The following EGF variants were observed in gnomAD, a reference collection of about 807,000 sequenced individuals.
The protein encoded by EGF is pro-epidermal growth factor.
A neutral mutation model predicts 143.8 loss-of-function variants in EGF; 95 were observed. The ratio of observed to expected loss-of-function variants is 0.66; its 90% confidence interval spans 0.56 to 0.78. The LOEUF is 0.78. Ranked by LOEUF, EGF falls within the 30% of genes least tolerant of loss-of-function variation. EGF has a pLI of 0.00. For synonymous variants in EGF, 510 were observed against 510.5 expected, an observed-to-expected ratio of 1.00 and a Z score of 0.01; for missense variants, 1,320 against 1,470.9, an observed-to-expected ratio of 0.90 and a Z score of 1.68.
intron 5 of EGF, among the ~76,000 whole-genome samples, chr4:109,958,917 CAA>C (rs57909689): frequency 0.076 from 7,453 of 98,572 alleles, 366 homozygotes; most frequent in East Asian, 0.21. Context: ...GACCCTGTCT[CAA>C]AAAAAAAAAA....
intron 1 of EGF, among the ~76,000 whole-genome samples, chr4:109,915,389 A>C (rs1435303335): frequency 6.6e-6 from 1 of 152,162 alleles, no homozygotes; most frequent in Non-Finnish European, 1.5e-5. Flanking sequence ...TGCTCAATAA[A>C]TGTCCTCCTG....
At chr4:110,008,353 C>T (rs11569123) in intron 23 of EGF, 123 bp downstream of exon 23, 3 of 1,215,650 alleles carry the variant, frequency 2.5e-6, no homozygotes, top group South Asian at 1.3e-5. Flanking sequence ...ATTGTATAAG[C>T]TATGTGAATA....
At position 109,943,404 on chromosome 4, in the gene EGF, C is replaced by G. The variant is rs144013010; in HGVS notation, c.478C>G (p.Pro160Ala). Residue 160 changes from proline to alanine, a missense_variant, in exon 3 of 24, where the codon CCT becomes GCT. This residue lies in a region of EGF where 1,186 missense variants were observed against 1,313.7 expected (regional missense o/e 0.90). Transcript: ENST00000265171. ...CATTCTTTTAAGTGCTTTAAAATAT[C>G]CTGCAAATGTAGCAGTTGATCCAGT... Reference protein sequence around the residue: ...SHILLSALKYPANVAVDPVER... With the variant: ...SHILLSALKYAANVAVDPVER... 2 of 1,613,546 alleles carry G rather than the reference C, an allele frequency of 1.2e-6. No individual in the cohort carries two copies. The highest frequency in any genetic ancestry group is 1.7e-5 in the Admixed American group (1 of 59,994).
intron 5 of EGF, chr4:109,959,002 C>CT (rs979689751): frequency 2.5e-5 from 8 of 324,448 alleles, no homozygotes; most frequent in East Asian, 6.9e-5. Flanking sequence ...AGAATGTGTG[C>CT]TTTTTTGTGA....
At chr4:110,008,857 G>A (rs1057451512) in intron 23 of EGF, among the ~76,000 whole-genome samples, 1 of 152,152 alleles carries the variant, frequency 6.6e-6, no homozygotes, top group African/African-American at 2.4e-5. Context: ...TCAGCCTTTT[G>A]GTTTTGGGTC....
In EGF at chr4:109,929,117, G is replaced by C. The variant is rs928578506; in HGVS notation, c.128-11829G>C. On this transcript the variant is annotated intron_variant, in intron 1 of 23. Coordinates refer to ENST00000265171, the MANE Select transcript of EGF (RefSeq NM_001963.6). ...CCTTATGGTGAATATGCCTAGAACA[G>C]TGTTTCCTGGTGTGGGTTCCTTGAC... is the stretch of plus-strand genomic sequence containing the variant. Among the ~76,000 whole-genome samples, 33 of 152,174 alleles carry C rather than the reference G, an allele frequency of 2.2e-4. 1 individual carries two copies. The highest frequency in any genetic ancestry group is 1.3e-4 in the Admixed American group (2 of 15,278).
At chr4:109,925,836 T>C (rs1738543059) in intron 1 of EGF, among the ~76,000 whole-genome samples, 1 of 152,198 alleles carries the variant, frequency 6.6e-6, no homozygotes. Context: ...CTGCATTTAC[T>C]AGGACATCAA....
intron 20 of EGF, among the ~76,000 whole-genome samples, chr4:109,996,366 C>G (rs566157372): frequency 6.6e-6 from 1 of 152,104 alleles, no homozygotes; most frequent in Non-Finnish European, 1.5e-5. Flanking sequence ...AAATGACAAA[C>G]TGGAGATAAG....
At chr4:109,920,573 A>G (rs539207246) in intron 1 of EGF, among the ~76,000 whole-genome samples, 7 of 151,778 alleles carry the variant, frequency 4.6e-5, no homozygotes, top group African/African-American at 1.7e-4. Context: ...ATCTTTTTCA[A>G]GAAATTTTAA....
chr4:109,989,984 C>T (rs1301525361), intron 18 of EGF, among the ~76,000 whole-genome samples: 1 of 152,134 alleles, frequency 6.6e-6, no homozygotes, highest in Admixed American at 6.5e-5. Context: ...TTGTCTGGCA[C>T]ATAAAAAGTG....
intron 5 of EGF, among the ~76,000 whole-genome samples, chr4:109,956,981 T>C (rs1490438767): frequency 6.6e-6 from 1 of 152,208 alleles, no homozygotes; most frequent in Admixed American, 6.5e-5. Context: ...TAATCACTCC[T>C]GATTCTGTAA....
At chr4:109,999,204 C>T (rs969101266) in intron 20 of EGF, among the ~76,000 whole-genome samples, 1 of 151,942 alleles carries the variant, frequency 6.6e-6, no homozygotes, top group Non-Finnish European at 1.5e-5. Flanking sequence ...GTTATGTGTT[C>T]TGTTTAGAAA....
chr4:109,985,179 G>C (rs1281976052), intron 16 of EGF, among the ~76,000 whole-genome samples: 1 of 152,188 alleles, frequency 6.6e-6, no homozygotes, highest in Non-Finnish European at 1.5e-5. Context: ...TTAATACCTG[G>C]AGCCTAGTAC....
At chr4:109,960,077 C>G (rs41408447) in intron 6 of EGF, among the ~76,000 whole-genome samples, 29 of 152,278 alleles carry the variant, frequency 1.9e-4, no homozygotes, top group African/African-American at 6.0e-4. Context: ...TTATAACCCC[C>G]TGCTTACATG....
At position 109,980,918 on chromosome 4, in the gene EGF, A is replaced by T. The variant is rs759576285; in HGVS notation, c.2314A>T (p.Met772Leu). 3 of 1,614,152 alleles carry T rather than the reference A, an allele frequency of 1.9e-6. No homozygotes were observed. The highest frequency in any genetic ancestry group is 1.1e-5 in the South Asian group (1 of 91,084). ...TAWCSCREGF[M>L]KASDGKTCLA... ...TTGGTGTTCGTGTCGTGAAGGTTTT[A>T]TGAAAGCCTCAGATGGGAAAACGTG... is the stretch of plus-strand genomic sequence containing the variant. The change falls in exon 15 of 24, where the codon ATG (methionine) becomes TTG (leucine). Residue 772 changes from methionine to leucine, a missense_variant. Transcript: ENST00000265171.
At chr4:109,942,477 A>G (rs1742088339) in intron 2 of EGF, among the ~76,000 whole-genome samples, 1 of 152,098 alleles carries the variant, frequency 6.6e-6, no homozygotes, top group Admixed American at 6.5e-5. Flanking sequence ...TTTCAGCCCA[A>G]CTCTGATTTC....
chr4:109,996,074 T>A (rs982726669), intron 20 of EGF, among the ~76,000 whole-genome samples: 1 of 152,226 alleles, frequency 6.6e-6, no homozygotes, highest in East Asian at 1.9e-4. Flanking sequence ...GTTCATTGTT[T>A]CTGATCATCC....
chr4:109,997,524 CA>C (rs1213379125), intron 20 of EGF, among the ~76,000 whole-genome samples: 2 of 151,770 alleles, frequency 1.3e-5, no homozygotes, highest in Admixed American at 6.6e-5. Context: ...TGCAGTGGCG[CA>C]ATCTCAGCTC....
At chr4:109,913,876 T>C (rs1432581943) in intron 1 of EGF, among the ~76,000 whole-genome samples, 1 of 152,220 alleles carries the variant, frequency 6.6e-6, no homozygotes, top group Non-Finnish European at 1.5e-5. Flanking sequence ...TGATAACTTG[T>C]AAGAATTCAG....
Sources: gnomAD v4.1 joint callset for allele counts (sites outside exome capture counted in the v4.1 genomes callset) on GRCh38, gnomAD v4.1.1 for gene constraint, gnomAD v4.1.1 regional missense constraint, MANE v1.5 for transcripts, NCBI Gene and HGNC (gene_info 2026-07-23, HGNC 2026-07-21) for gene names.